NCKAP5: variants seen among roughly 807,000 people sequenced by gnomAD.
NCKAP5 encodes the protein nck-associated protein 5.
NCKAP5 carries 92 observed loss-of-function variants against 167.0 expected under a neutral mutation model. The observed-to-expected ratio is 0.55, with a 90% CI of 0.47 to 0.66. The LOEUF is 0.66. NCKAP5 is among the 30% of genes least tolerant of loss of function. The pLI, the probability that NCKAP5 is intolerant of heterozygous loss-of-function variation, is 0.00. For synonymous variants in NCKAP5, 891 were observed against 877.4 expected (o/e 1.02, Z -0.27); for missense variants, 2,378 against 2,315.0 (o/e 1.03, Z -0.56).
the NCKAP5 span, among the ~76,000 whole-genome samples, chr2:133,593,959 C>T: frequency 6.6e-6 from 1 of 152,232 alleles, no homozygotes; most frequent in African/African-American, 2.4e-5. Flanking sequence ...CCGAAGAGCC[C>T]AACCTGGAGA....
At chr2:133,309,870 A>G (rs1354954425) in intron 3 of NCKAP5, among the ~76,000 whole-genome samples, 1 of 152,246 alleles carries the variant, frequency 6.6e-6, no homozygotes, top group African/African-American at 2.4e-5. Flanking sequence ...AAGCTTGCAG[A>G]GATCCAAAAA....
At chr2:133,136,593 A>G (rs1390850668) in intron 5 of NCKAP5, among the ~76,000 whole-genome samples, 1 of 152,220 alleles carries the variant, frequency 6.6e-6, no homozygotes, top group African/African-American at 2.4e-5. Flanking sequence ...AGATTTCCTG[A>G]AATGTGTCCA....
In NCKAP5 at chr2:133,490,438, T is replaced by C. The variant is rs1681339298; in HGVS notation, c.69+27020A>G. ...TTCTACTGACGGAGCAGTTAAGACC[T>C]GCCCTGTGGTAACAATGTTATGTGG... On this transcript the variant is annotated intron_variant, in intron 3 of 19. Transcript: ENST00000409261. Among the ~76,000 whole-genome samples, 3 of 152,188 alleles carry C rather than the reference T, an allele frequency of 2.0e-5. No individual in the cohort carries two copies. In the South Asian group the frequency reaches 6.2e-4, roughly 32 times the overall value.
At chr2:133,447,309 T>C (rs915587539) in intron 3 of NCKAP5, among the ~76,000 whole-genome samples, 1 of 152,218 alleles carries the variant, frequency 6.6e-6, no homozygotes, top group Non-Finnish European at 1.5e-5. Context: ...TCAAGGTCCT[T>C]GCACTCGTGC....
intron 15 of NCKAP5, among the ~76,000 whole-genome samples, chr2:132,776,156 T>A (rs1682528030): frequency 6.6e-6 from 1 of 152,242 alleles, no homozygotes; most frequent in Non-Finnish European, 1.5e-5. Context: ...GTTACAGCTA[T>A]CCTTTCCAGA....
intron 19 of NCKAP5, among the ~76,000 whole-genome samples, chr2:132,694,745 A>C (rs1042980289): frequency 6.6e-6 from 1 of 152,188 alleles, no homozygotes; most frequent in Non-Finnish European, 1.5e-5. Context: ...CCTCACTTTG[A>C]AGCTTTTCCT....
intron 11 of NCKAP5, among the ~76,000 whole-genome samples, chr2:132,842,699 A>G (rs570585214): frequency 4.0e-4 from 61 of 151,582 alleles, no homozygotes; most frequent in African/African-American, 1.5e-3. Context: ...AGTGTGTGCC[A>G]CCATGCCCGG....
chr2:133,345,864 G>A (rs186912069), intron 3 of NCKAP5, among the ~76,000 whole-genome samples: 17 of 152,076 alleles, frequency 1.1e-4, no homozygotes, highest in African/African-American at 4.1e-4. Flanking sequence ...GGAGGTTTGG[G>A]GTATGAGGTA....
intron 3 of NCKAP5, among the ~76,000 whole-genome samples, chr2:133,453,069 A>C (rs1252948856): frequency 1.3e-5 from 2 of 152,160 alleles, no homozygotes; most frequent in Non-Finnish European, 2.9e-5. Flanking sequence ...ACCAGTAATC[A>C]ATTTAAAAAT....
At chr2:133,304,121 C>A (rs1446087279) in intron 3 of NCKAP5, among the ~76,000 whole-genome samples, 1 of 152,098 alleles carries the variant, frequency 6.6e-6, no homozygotes, top group Admixed American at 6.6e-5. Flanking sequence ...TTAACAGTGA[C>A]ATTTTTCTTT....
intron 10 of NCKAP5, among the ~76,000 whole-genome samples, chr2:132,866,766 T>A (rs1037155774): frequency 2.6e-5 from 4 of 152,226 alleles, no homozygotes; most frequent in African/African-American, 9.6e-5. Context: ...TTCTGGTGAC[T>A]TAGATAAATC....
chr2:133,597,226 A>C, the NCKAP5 span, among the ~76,000 whole-genome samples: 1 of 152,154 alleles, frequency 6.6e-6, no homozygotes, highest in African/African-American at 2.4e-5. Flanking sequence ...CCTCAGACCA[A>C]CTGCACCAGT....
intron 8 of NCKAP5, among the ~76,000 whole-genome samples, chr2:132,880,061 T>C (rs1442590948): frequency 6.6e-6 from 1 of 152,300 alleles, no homozygotes; most frequent in Non-Finnish European, 1.5e-5. Flanking sequence ...AGACAAATAT[T>C]GCATGTTCTC....
intron 3 of NCKAP5, among the ~76,000 whole-genome samples, chr2:133,464,487 A>G (rs1343882052): frequency 6.6e-6 from 1 of 152,166 alleles, no homozygotes; most frequent in Admixed American, 6.5e-5. Context: ...CAGGAGATTG[A>G]GACCATCCCG....
intron 16 of NCKAP5, among the ~76,000 whole-genome samples, chr2:132,763,084 T>C (rs1681153379): frequency 6.6e-6 from 1 of 152,148 alleles, no homozygotes; most frequent in Non-Finnish European, 1.5e-5. Flanking sequence ...ACTGGTGCGT[T>C]TGGTTGGCTT....
intron 1 of NCKAP5, among the ~76,000 whole-genome samples, chr2:133,562,519 C>T (rs1688234071): frequency 6.6e-6 from 1 of 152,212 alleles, no homozygotes; most frequent in African/African-American, 2.4e-5. Context: ...AGCGGTTTGT[C>T]AGACATGCGT....
rs1167302362 is a variant in NCKAP5 at position 132,790,106 on chromosome 2, C to T, written c.1009G>A (p.Glu337Lys). 7 of 1,613,508 alleles carry T rather than the reference C, an allele frequency of 4.3e-6. No individual in the cohort carries two copies. Among genetic ancestry groups the T allele is most frequent in the Non-Finnish European group, 5.9e-6 (7 of 1,179,686 alleles). ...CPRNSYSSSS[E>K]LSLSSTCSEY... Reference sequence around the variant, plus strand: ...CTGCAGGTGCTTGAAAGAGACAGTTCACTGCTGCTACTGTAGCTGTTTCGA... The same window carrying T: ...CTGCAGGTGCTTGAAAGAGACAGTTTACTGCTGCTACTGTAGCTGTTTCGA... Residue 337 changes from glutamate to lysine, a missense_variant, in exon 13 of 20, where the codon GAA (glutamate) becomes AAA (lysine). Coordinates refer to ENST00000409261, the MANE Select transcript of NCKAP5 (RefSeq NM_207363.3).
chr2:133,140,343 G>C (rs2082949833), intron 5 of NCKAP5, among the ~76,000 whole-genome samples: 1 of 152,036 alleles, frequency 6.6e-6, no homozygotes, highest in African/African-American at 2.4e-5. Flanking sequence ...TTTCAGAATG[G>C]CTACAGATCT....
chr2:132,758,222 TG>T, intron 16 of NCKAP5, among the ~76,000 whole-genome samples: 1 of 152,158 alleles, frequency 6.6e-6, no homozygotes, highest in Non-Finnish European at 1.5e-5. Flanking sequence ...GAACCCTATT[TG>T]GTTTGGTCGC....
Sources: allele counts gnomAD v4.1 joint callset (sites outside exome capture counted in the v4.1 genomes callset), GRCh38; gene constraint gnomAD v4.1.1; transcripts MANE v1.5; gene names NCBI Gene and HGNC (gene_info 2026-07-23, HGNC 2026-07-21).